KLHL13: variants seen among roughly 807,000 people sequenced by gnomAD.
KLHL13 encodes the protein kelch-like protein 13.
A neutral mutation model predicts 37.1 loss-of-function variants in KLHL13; 10 were observed. That is an observed-to-expected ratio of 0.27 (90% confidence interval 0.17 to 0.46). The LOEUF (loss-of-function observed/expected upper bound fraction) is 0.46, where lower values mean the gene tolerates loss of function less well. KLHL13 is among the 20% of genes least tolerant of loss of function. The pLI, the probability that KLHL13 is intolerant of heterozygous loss-of-function variation, is 1.00. For synonymous variants in KLHL13, 163 were observed against 181.2 expected, an observed-to-expected ratio of 0.90 and a Z score of 0.81; for missense variants, 360 against 509.3, an observed-to-expected ratio of 0.71 and a Z score of 2.82.
intron 1 of KLHL13, among the ~76,000 whole-genome samples, chrX:117,952,735 G>C (rs1392129491): frequency 1.8e-5 from 2 of 109,306 alleles, no homozygotes; most frequent in African/African-American, 6.7e-5. Context: ...CCATCAAAAA[G>C]TGGGCAAAGG....
rs147685497 is a variant in KLHL13, at chrX:118,029,170, A to G, written c.-55-83595T>C. 4.2e-3 allele frequency among the ~76,000 whole-genome samples: 464 copies of G among 111,612 alleles called. 3 individuals carry two copies. Among genetic ancestry groups the G allele is most frequent in the Middle Eastern group, 0.019 (4 of 215 alleles). On this transcript the variant is annotated intron_variant, in intron 1 of 6. Transcript: ENST00000371882. ...GAATCAGAAGACCTAAGGACCCTGTATGAAGTTGGGTTAGACAAGAGAAGT... is the reference window on the plus strand; with the variant it reads ...GAATCAGAAGACCTAAGGACCCTGTGTGAAGTTGGGTTAGACAAGAGAAGT...
At chrX:118,050,060 T>C (rs1365656469) in intron 1 of KLHL13, among the ~76,000 whole-genome samples, 1 of 112,194 alleles carries the variant, frequency 8.9e-6, no homozygotes, top group Non-Finnish European at 1.9e-5. Flanking sequence ...CTTTCTTTTT[T>C]TCTTTTTAGA....
intron 1 of KLHL13, among the ~76,000 whole-genome samples, chrX:118,091,623 T>C (rs746422922): frequency 5.4e-4 from 60 of 110,207 alleles, no homozygotes; most frequent in Non-Finnish European, 9.5e-4. Context: ...CTGAAAAAAA[T>C]ATGAATACAG....
intron 1 of KLHL13, among the ~76,000 whole-genome samples, chrX:118,007,634 T>C (rs984082851): frequency 9.0e-6 from 1 of 111,541 alleles, no homozygotes; most frequent in Non-Finnish European, 1.9e-5. Flanking sequence ...TAGCTATCTA[T>C]AGCTCATATC....
At chrX:117,993,216 G>A (rs770052015) in intron 1 of KLHL13, among the ~76,000 whole-genome samples, 14 of 111,302 alleles carry the variant, frequency 1.3e-4, no homozygotes, top group Admixed American at 3.8e-4. Context: ...GAGAGGGTGC[G>A]GGTGCAAGAC....
rs35834695 is a variant in KLHL13, at chrX:118,107,049, A to G, written c.-56+9459T>C. Among the ~76,000 whole-genome samples the G allele has an allele frequency of 5.9e-3, 657 of 111,851 alleles. 8 individuals carry two copies. Among genetic ancestry groups the G allele is most frequent in the African/African-American group, 0.02 (603 of 30,732 alleles). On this transcript the variant is annotated intron_variant, in intron 1 of 6. Transcript: ENST00000371882. ...TCTTCTTTGGGGACTTAAAATCTGGAACAATTAGAGATAAATCAGAAAAAT... is the reference window on the plus strand; with the variant it reads ...TCTTCTTTGGGGACTTAAAATCTGGGACAATTAGAGATAAATCAGAAAAAT...
At chrX:118,107,427 CAAA>C (rs1405442116) in intron 1 of KLHL13, among the ~76,000 whole-genome samples, 1 of 111,606 alleles carries the variant, frequency 9.0e-6, no homozygotes, top group Non-Finnish European at 1.9e-5. Flanking sequence ...ACAATATAAA[CAAA>C]GAAGACACAC....
intron 1 of KLHL13, among the ~76,000 whole-genome samples, chrX:118,080,475 CA>C (rs1015226441): frequency 2.7e-5 from 3 of 111,101 alleles, no homozygotes; most frequent in African/African-American, 9.8e-5. Flanking sequence ...AGACATTTCT[CA>C]AAAGATATAC....
intron 1 of KLHL13, among the ~76,000 whole-genome samples, chrX:117,952,740 CA>C (rs1216357196): frequency 9.2e-6 from 1 of 109,258 alleles, no homozygotes; most frequent in Non-Finnish European, 1.9e-5. Context: ...AAAAAGTGGG[CA>C]AAGGACATGA....
chrX:117,901,844 A>C (rs1189664235), exon 6 of KLHL13: 1 of 1,126,411 alleles, frequency 8.9e-7, no homozygotes, highest in Non-Finnish European at 1.2e-6. Context: ...TGAAATATAC[A>C]TCACTCCTCC....
At chrX:118,019,529 G>A (rs776855831) in intron 1 of KLHL13, among the ~76,000 whole-genome samples, 48 of 111,000 alleles carry the variant, frequency 4.3e-4, no homozygotes, top group Middle Eastern at 9.2e-3. Context: ...GGCTTTTGTT[G>A]CCATTGCTTT....
chrX:117,937,627 A>C (rs910240215), intron 2 of KLHL13, among the ~76,000 whole-genome samples: 1 of 112,094 alleles, frequency 8.9e-6, no homozygotes, highest in Non-Finnish European at 1.9e-5. Context: ...TAGTGTTTCC[A>C]TACCATTTGC....
upstream of KLHL13, among the ~76,000 whole-genome samples, chrX:117,977,346 T>C (rs2053607428): frequency 8.9e-6 from 1 of 111,862 alleles, no homozygotes; most frequent in Admixed American, 9.5e-5. Flanking sequence ...AACGTAAATA[T>C]ATTGCCAATA....
At chrX:117,939,097 C>A (rs1932905745) in intron 2 of KLHL13, among the ~76,000 whole-genome samples, 1 of 110,305 alleles carries the variant, frequency 9.1e-6, no homozygotes, top group African/African-American at 3.3e-5. Context: ...CCTAGCCCCC[C>A]ACCCCCTGAA....
At position 117,990,983 on chromosome X, in the gene KLHL13, G is replaced by C. The variant is rs1194330233; in HGVS notation, c.-55-45408C>G. ...AGACAATGGGGTTCCCCAAAGGGAAGAGCTTATCTACAACATGGTTTAACA... is the reference window on the plus strand; with the variant it reads ...AGACAATGGGGTTCCCCAAAGGGAACAGCTTATCTACAACATGGTTTAACA... On this transcript the variant is annotated intron_variant, in intron 1 of 6. Transcript: ENST00000371882. 4.5e-5 allele frequency among the ~76,000 whole-genome samples: 5 copies of C among 110,519 alleles called. 1 individual carries two copies. The highest frequency in any genetic ancestry group is 1.7e-4 in the African/African-American group (5 of 29,813).
At chrX:118,023,362 T>A (rs925908790) in intron 1 of KLHL13, among the ~76,000 whole-genome samples, 17 of 111,326 alleles carry the variant, frequency 1.5e-4, no homozygotes, top group East Asian at 1.1e-3. Flanking sequence ...CTAATCTTTT[T>A]TTTTTATACT....
intron 1 of KLHL13, among the ~76,000 whole-genome samples, chrX:117,966,788 G>A (rs757504449): frequency 1.5e-4 from 17 of 111,361 alleles, no homozygotes; most frequent in Admixed American, 1.9e-4. Flanking sequence ...TTGACAAACC[G>A]GAGAAAAACA....
At chrX:117,933,439 C>G (rs988631718) in intron 2 of KLHL13, among the ~76,000 whole-genome samples, 1 of 110,795 alleles carries the variant, frequency 9.0e-6, no homozygotes, top group Admixed American at 9.6e-5. Flanking sequence ...ATAAATGGTG[C>G]CAGGAAAACT....
chrX:118,109,189 C>A (rs1047465371), intron 1 of KLHL13, among the ~76,000 whole-genome samples: 6 of 111,705 alleles, frequency 5.4e-5, no homozygotes, highest in African/African-American at 1.6e-4. Flanking sequence ...TACCCACCAA[C>A]ATTAAAAACT....
Sources: allele counts gnomAD v4.1 joint callset (sites outside exome capture counted in the v4.1 genomes callset), GRCh38; gene constraint gnomAD v4.1.1; transcripts MANE v1.5; gene names NCBI Gene and HGNC (gene_info 2026-07-23, HGNC 2026-07-21).